The following TAFA2 variants were observed in gnomAD, a reference collection of about 807,000 sequenced individuals.
The protein encoded by TAFA2 is TAFA chemokine like family member 2, also known as chemokine-like protein TAFA-2.
TAFA2 carries 7 observed loss-of-function variants against 18.8 expected under a neutral mutation model. The observed-to-expected ratio is 0.37, with a 90% CI of 0.21 to 0.70. The LOEUF is 0.70. Among genes scored for constraint, TAFA2 ranks in the 30% least tolerant of loss-of-function variants. The probability of loss-of-function intolerance (pLI) is 0.53; values close to 1 mark genes in which losing one functional copy is unlikely to be tolerated. For missense variants in TAFA2, 122 were observed against 158.1 expected, an observed-to-expected ratio of 0.77 and a Z score of 1.23; for synonymous variants, 60 against 54.2, an observed-to-expected ratio of 1.11 and a Z score of -0.47.
At chr12:62,073,324 G>A (rs1882680509) in intron 1 of TAFA2, among the ~76,000 whole-genome samples, 1 of 151,726 alleles carries the variant, frequency 6.6e-6, no homozygotes, top group Admixed American at 6.6e-5. Context: ...AAGCCTTTGA[G>A]GTAGATGTTA....
At chr12:61,724,787 G>GA (rs1377884295) in intron 4 of TAFA2, among the ~76,000 whole-genome samples, 159 of 87,446 alleles carry the variant, frequency 1.8e-3, no homozygotes, top group Middle Eastern at 0.012. Flanking sequence ...GTGTGTGTGT[G>GA]TGTGTGTGTG....
At chr12:62,169,113 T>C (rs566753176) in intron 1 of TAFA2, among the ~76,000 whole-genome samples, 1 of 152,304 alleles carries the variant, frequency 6.6e-6, no homozygotes, top group South Asian at 2.1e-4. Context: ...TCTGGAAGAG[T>C]CATTATCTTT....
chr12:62,028,937 A>G (rs578239225), intron 1 of TAFA2, among the ~76,000 whole-genome samples: 1 of 152,308 alleles, frequency 6.6e-6, no homozygotes, highest in African/African-American at 2.4e-5. Flanking sequence ...TACTATCTGT[A>G]TGCTACCACA....
chr12:61,939,129 T>G (rs998547605), intron 1 of TAFA2, among the ~76,000 whole-genome samples: 1 of 152,176 alleles, frequency 6.6e-6, no homozygotes, highest in Non-Finnish European at 1.5e-5. Context: ...CTACTAGAAG[T>G]TAAACTGCCA....
chr12:61,821,319 A>G (rs899476255), intron 2 of TAFA2, among the ~76,000 whole-genome samples: 2 of 152,068 alleles, frequency 1.3e-5, no homozygotes, highest in African/African-American at 2.4e-5. Context: ...TTTTTACCAC[A>G]TGGCATCTAT....
chr12:62,017,738 A>G (rs1269050330), intron 1 of TAFA2, among the ~76,000 whole-genome samples: 3 of 152,168 alleles, frequency 2.0e-5, no homozygotes, highest in African/African-American at 7.2e-5. Flanking sequence ...TCAATATAGC[A>G]TATATTTTTA....
At chr12:61,946,010 G>A (rs1362032766) in intron 1 of TAFA2, among the ~76,000 whole-genome samples, 1 of 113,796 alleles carries the variant, frequency 8.8e-6, no homozygotes. Context: ...TCAATCCTAA[G>A]CCAAAAGAAC....
At chr12:61,952,902 GATC>G (rs1359297196) in intron 1 of TAFA2, among the ~76,000 whole-genome samples, 1 of 151,906 alleles carries the variant, frequency 6.6e-6, no homozygotes, top group Non-Finnish European at 1.5e-5. Context: ...AAGTTTTTTA[GATC>G]ATTTCTCCTC....
intron 1 of TAFA2, among the ~76,000 whole-genome samples, chr12:61,985,510 A>T (rs1247565847): frequency 6.6e-6 from 1 of 152,228 alleles, no homozygotes; most frequent in African/African-American, 2.4e-5. Flanking sequence ...AGTGGAAATT[A>T]TCTCCAGTGA....
chr12:61,992,260 C>T (rs992818040), intron 1 of TAFA2, among the ~76,000 whole-genome samples: 1 of 152,174 alleles, frequency 6.6e-6, no homozygotes, highest in African/African-American at 2.4e-5. Context: ...TTGATAATTT[C>T]TCCCATACCT....
At chr12:61,961,242 T>C (rs1049405806) in intron 1 of TAFA2, among the ~76,000 whole-genome samples, 14 of 151,882 alleles carry the variant, frequency 9.2e-5, no homozygotes, top group African/African-American at 3.1e-4. Context: ...TCCACCCCCA[T>C]GATCCAATCA....
chr12:61,733,223 A>T (rs561067489), intron 4 of TAFA2, among the ~76,000 whole-genome samples: 2 of 151,844 alleles, frequency 1.3e-5, no homozygotes, highest in Non-Finnish European at 2.9e-5. Flanking sequence ...TTTGTAGGTT[A>T]CCTGTTCACT....
intron 4 of TAFA2, among the ~76,000 whole-genome samples, chr12:61,736,470 A>C (rs961509734): frequency 6.6e-6 from 1 of 151,080 alleles, no homozygotes; most frequent in Admixed American, 6.6e-5. Context: ...TAAAATTAAT[A>C]ATTGAAATTT....
intron 2 of TAFA2, among the ~76,000 whole-genome samples, chr12:61,804,903 A>T (rs893449316): frequency 5.9e-5 from 9 of 152,048 alleles, no homozygotes; most frequent in African/African-American, 2.2e-4. Context: ...TCAGAATTCC[A>T]ATGGTATCTG....
At chr12:62,233,152 C>G (rs564592588) in intron 1 of TAFA2, among the ~76,000 whole-genome samples, 101 of 128,318 alleles carry the variant, frequency 7.9e-4, no homozygotes, top group South Asian at 4.6e-3. Flanking sequence ...GCCATCCTGG[C>G]TCACTACAAC....
chr12:62,014,496 T>C (rs1880867055), intron 1 of TAFA2, among the ~76,000 whole-genome samples: 1 of 151,984 alleles, frequency 6.6e-6, no homozygotes, highest in Non-Finnish European at 1.5e-5. Context: ...GCCGGGCATA[T>C]TGGTGCATAC....
chr12:62,159,567 T>A (rs1185206165), intron 1 of TAFA2, among the ~76,000 whole-genome samples: 1 of 152,184 alleles, frequency 6.6e-6, no homozygotes, highest in African/African-American at 2.4e-5. Context: ...AAGTCTCAGC[T>A]TTTAAACTAA....
At chr12:61,940,232 C>T (rs533911293) in intron 1 of TAFA2, among the ~76,000 whole-genome samples, 20 of 152,300 alleles carry the variant, frequency 1.3e-4, no homozygotes, top group African/African-American at 4.8e-4. Context: ...AGGTCCCAAG[C>T]CCAGACACCC....
chr12:62,259,594 G>C (rs2062974489), upstream of TAFA2: 2 of 152,126 alleles, frequency 1.3e-5, no homozygotes, highest in South Asian at 2.1e-4. Flanking sequence ...TCAGGTGTAC[G>C]GCACCATACG....
Sources: allele counts gnomAD v4.1 joint callset (sites outside exome capture counted in the v4.1 genomes callset), GRCh38; gene constraint gnomAD v4.1.1; transcripts MANE v1.5; gene names NCBI Gene and HGNC (gene_info 2026-07-23, HGNC 2026-07-21).